The following SLC19A1 variants were observed in gnomAD, a reference collection of about 807,000 sequenced individuals.
The protein encoded by SLC19A1 is solute carrier family 19 member 1.
SLC19A1 carries 37 observed loss-of-function variants against 35.3 expected under a neutral mutation model. The ratio of observed to expected loss-of-function variants is 1.05; its 90% CI spans 0.81 to 1.38. The LOEUF (loss-of-function observed/expected upper bound fraction) is 1.38, where lower values mean the gene tolerates loss of function less well. Ranked by LOEUF, SLC19A1 falls within the 40% of genes most tolerant of loss-of-function variation. The pLI, the probability that SLC19A1 is intolerant of heterozygous loss-of-function variation, is 0.00. For missense variants in SLC19A1, 831 were observed against 826.9 expected, an observed-to-expected ratio of 1.00 and a Z score of -0.06; for synonymous variants, 460 against 398.5, an observed-to-expected ratio of 1.15 and a Z score of -1.84.
At chr21:45,512,077 C>T (rs1401660496), downstream of SLC19A1, 3 of 1,217,162 alleles carry the variant, frequency 2.5e-6, no homozygotes, top group Non-Finnish European at 3.6e-6. Context: ...TCTGCAGCCC[C>T]CTGGTAACCC....
chr21:45,523,496 T>G (rs1217916911), intron 5 of SLC19A1, among the ~76,000 whole-genome samples: 1 of 152,124 alleles, frequency 6.6e-6, no homozygotes, highest in Non-Finnish European at 1.5e-5. Flanking sequence ...TGACCAGCTC[T>G]CTGGGGAAGA....
chr21:45,525,958 G>C lies in SLC19A1; in HGVS notation c.1152C>G (p.Thr384=). ...GSYQFLVPIA[T]FQIASSLSKE... is the part of the protein sequence containing the mutation. ...TAGACAGAGAAGATGCAATCTGAAA[G>C]CTGAACGGGAAGAGCGGGCAGATCA... Residue 384 remains threonine (T), a splice_region_variant and synonymous_variant, in exon 5 of 6, where the codon ACC becomes ACG. Transcript: ENST00000311124. The C allele has an allele frequency of 6.2e-7, 1 of 1,613,012 alleles. No homozygotes were observed. Among genetic ancestry groups the C allele is most frequent in the South Asian group, 1.1e-5 (1 of 91,084 alleles).
At position 45,530,742 on chromosome 21, in the gene SLC19A1, C is replaced by T. The variant is rs755188271; in HGVS notation, c.1151+28G>A. 25 of 1,546,022 alleles carry T rather than the reference C, an allele frequency of 1.6e-5. No individual in the cohort carries two copies. Among genetic ancestry groups the T allele is most frequent in the Non-Finnish European group, 2.0e-5 (23 of 1,144,696 alleles). On this transcript the variant is annotated intron_variant, in intron 4 of 5. Transcript: ENST00000311124. This position sits in a 1 kb window ranked among gnomAD's most constrained non-coding sequence, Gnocchi z 5.3. ...GGCTTGATCCTGGCGCCTGCCCGCC[C>T]CCGGCTTCCCACCCTTCTGGAACTC...
At chr21:45,554,566 G>A (rs1473696438) in intron 1 of SLC19A1, among the ~76,000 whole-genome samples, 2 of 130,148 alleles carry the variant, frequency 1.5e-5, no homozygotes, top group African/African-American at 6.0e-5. Context: ...CCACGCACAG[G>A]GGGCGTCCTC....
intron 5 of SLC19A1, among the ~76,000 whole-genome samples, chr21:45,523,116 G>T (rs915552240): frequency 1.3e-5 from 2 of 152,072 alleles, no homozygotes; most frequent in Non-Finnish European, 2.9e-5. Flanking sequence ...CTCCATCACG[G>T]CTCCCTCCCG....
In SLC19A1 at chr21:45,532,124, G is replaced by C; in HGVS notation, c.214C>G (p.Leu72Val). 1.2e-6 allele frequency: 2 copies of C among 1,605,926 alleles called. No homozygotes were observed. Among genetic ancestry groups the C allele is most frequent in the Non-Finnish European group, 1.7e-6 (2 of 1,175,000 alleles). Residue 72 changes from leucine (L) to valine (V), a missense_variant, in exon 3 of 6, where the codon CTG becomes GTG. Transcript: ENST00000311124. ...EQVTNEITPV[L>V]SYSYLAVLVP... ...AGCACGGCCAGGTAGGAGTACGACA[G>C]CACCGGCGTGATCTCGTTCGTGACC...
At chr21:45,547,239 A>G (rs552872563), upstream of SLC19A1, among the ~76,000 whole-genome samples, 1 of 152,340 alleles carries the variant, frequency 6.6e-6, no homozygotes, top group South Asian at 2.1e-4. Flanking sequence ...GAAGAGCTAA[A>G]CAAATGGGGG....
At position 45,517,608 on chromosome 21, in the gene SLC19A1, G is replaced by A. The variant is rs1189304649; in HGVS notation, c.1294-1468C>T. On this transcript the variant is annotated intron_variant, in intron 5 of 5. Transcript: ENST00000311124. The surrounding 1 kb of genome is among the most constrained non-coding windows in gnomAD (Gnocchi z 4.4). ...TCACGGAGTCAGCAGAGACCATATG[G>A]GGAGCCTGGCCTCTTATCCTCACCC... 2.0e-5 allele frequency among the ~76,000 whole-genome samples: 3 copies of A among 151,798 alleles called. No individual in the cohort carries two copies. In the East Asian group the frequency reaches 5.8e-4, roughly 29 times the overall value.
chr21:45,509,516 C>T, downstream of SLC19A1: 1 of 1,532,404 alleles, frequency 6.5e-7, no homozygotes, highest in Non-Finnish European at 8.8e-7. Context: ...TACCCCGGAG[C>T]CCCGCACCAC....
chr21:45,559,786 G>A (rs1361184568), intron 1 of SLC19A1, among the ~76,000 whole-genome samples: 2 of 152,150 alleles, frequency 1.3e-5, no homozygotes, highest in African/African-American at 4.8e-5. Flanking sequence ...CCTCACACAG[G>A]GTATTTTTAA....
At chr21:45,539,802 G>A (rs1416115800) in intron 1 of SLC19A1, among the ~76,000 whole-genome samples, 1 of 152,204 alleles carries the variant, frequency 6.6e-6, no homozygotes, top group Non-Finnish European at 1.5e-5. Context: ...AAGCCCTTAA[G>A]AGGCAGAGGC....
Position 45,531,556 on chromosome 21 carries a change from C to T in SLC19A1, c.782G>A (p.Ser261Asn), listed in dbSNP as rs1440651882. The T allele has an allele frequency of 3.1e-6, 5 of 1,612,444 alleles. No individual in the cohort carries two copies. Among genetic ancestry groups the T allele is most frequent in the Non-Finnish European group, 4.2e-6 (5 of 1,179,694 alleles). ...CAGGCGCAGCTGCGGCCGCCGCAGG[C>T]TGTCCCCCAGCTCCCGCAGCATCCG... is the stretch of plus-strand genomic sequence containing the variant. ...LARMLRELGD[S>N]LRRPQLRLWS... is the part of the protein sequence containing the mutation. Residue 261 changes from serine (S) to asparagine (N), a missense_variant, in exon 3 of 6, where the codon AGC (serine) becomes AAC (asparagine). Physicochemically the swap from Ser to Asn is conservative, Grantham distance 46. Transcript: ENST00000311124.
chr21:45,537,262 T>C (rs1207615325), intron 2 of SLC19A1, among the ~76,000 whole-genome samples: 1 of 152,090 alleles, frequency 6.6e-6, no homozygotes, highest in Non-Finnish European at 1.5e-5. Context: ...CATCTGATGG[T>C]GCCCGCTGCT....
intron 4 of SLC19A1, 110 bp from the exon 5 acceptor site, chr21:45,526,068 G>A (rs888576290): frequency 9.8e-5 from 115 of 1,172,762 alleles, no homozygotes; most frequent in South Asian, 7.0e-5. Flanking sequence ...CGGCAGCCAC[G>A]GGGTCCCAGG....
downstream of SLC19A1, chr21:45,509,509 C>T (rs1369675764): frequency 2.0e-6 from 3 of 1,531,822 alleles, no homozygotes; most frequent in Non-Finnish European, 2.6e-6. Flanking sequence ...CCAGCCCTAC[C>T]CCGGAGCCCC....
rs944475937 is a variant in SLC19A1 at position 45,540,365 on chromosome 21, T to C, written c.-50+2003A>G. Among the ~76,000 whole-genome samples, 11 of 152,094 alleles carry C rather than the reference T, an allele frequency of 7.2e-5. No homozygotes were observed. Among genetic ancestry groups the C allele is most frequent in the African/African-American group, 2.7e-4 (11 of 41,418 alleles). On this transcript the variant is annotated intron_variant, in intron 1 of 5. Coordinates refer to ENST00000311124, the MANE Select transcript of SLC19A1 (RefSeq NM_194255.4). The surrounding 1 kb of genome is among the most constrained non-coding windows in gnomAD (Gnocchi z 5.5). ...GCCCAGGGTCTGCGCCCACAGTCCA[T>C]GGCCGCAGGAGTCAGATCCCCACCC...
chr21:45,527,240 G>A (rs562431821), intron 4 of SLC19A1, among the ~76,000 whole-genome samples: 2 of 149,994 alleles, frequency 1.3e-5, no homozygotes, highest in South Asian at 4.3e-4. Context: ...CAATTGGGGG[G>A]GAGGGGGGCC....
At chr21:45,525,369 A>C (rs1193267497) in intron 5 of SLC19A1, among the ~76,000 whole-genome samples, 2 of 152,194 alleles carry the variant, frequency 1.3e-5, no homozygotes, top group African/African-American at 2.4e-5. Flanking sequence ...CTCTTCTCAG[A>C]AGCAGCAGAG....
rs1197525483 is a variant in SLC19A1, at chr21:45,534,517, G to A, written c.190-2369C>T. ...GGCTCTCTGGAAAAGGGCGGCCAGGGGTCCTAGAAGCCTCACCCACCTCCG... is the reference window on the plus strand; with the variant it reads ...GGCTCTCTGGAAAAGGGCGGCCAGGAGTCCTAGAAGCCTCACCCACCTCCG... On this transcript the variant is annotated intron_variant, in intron 2 of 5. Transcript: ENST00000311124. The surrounding 1 kb of genome is among the most constrained non-coding windows in gnomAD (Gnocchi z 4.2). 2 of 1,522,824 alleles carry A rather than the reference G, an allele frequency of 1.3e-6. No individual in the cohort carries two copies. Among genetic ancestry groups the A allele is most frequent in the African/African-American group, 1.4e-5 (1 of 72,756 alleles). 94.3% of individuals were successfully genotyped at this position (1,522,824 alleles called of 1,614,324 possible).
Sources: allele counts gnomAD v4.1 joint callset (sites outside exome capture counted in the v4.1 genomes callset), GRCh38; gene constraint gnomAD v4.1.1; non-coding constraint Gnocchi (gnomAD v3.1); transcripts MANE v1.5; gene names NCBI Gene and HGNC (gene_info 2026-07-23, HGNC 2026-07-21).